The following PACRG variants were observed in gnomAD, a reference collection of about 807,000 sequenced individuals.
PACRG encodes the protein parkin coregulated gene protein.
In PACRG, 29 loss-of-function variants were observed where a neutral mutation model predicts 29.7. That is an observed-to-expected ratio of 0.98 (90% CI 0.73 to 1.33). PACRG has a LOEUF of 1.33. PACRG is among the 40% of genes most tolerant of loss of function. The pLI, the probability that PACRG is intolerant of heterozygous loss-of-function variation, is 0.00. For synonymous variants in PACRG, 116 were observed against 118.7 expected (o/e 0.98, Z 0.15); for missense variants, 279 against 316.2 (o/e 0.88, Z 0.89).
chr6:162,835,665 C>A (rs911260406), intron 2 of PACRG, among the ~76,000 whole-genome samples: 2 of 151,990 alleles, frequency 1.3e-5, no homozygotes, highest in African/African-American at 4.8e-5. Context: ...CAGAGAAAAT[C>A]TGTGGTTTTT....
intron 4 of PACRG, among the ~76,000 whole-genome samples, chr6:163,204,191 G>A (rs1480563053): frequency 6.6e-6 from 1 of 152,188 alleles, no homozygotes; most frequent in Admixed American, 6.5e-5. Flanking sequence ...AGTGTTTGCA[G>A]ATCTTTATAA....
At chr6:162,912,001 C>G (rs971938589) in intron 2 of PACRG, among the ~76,000 whole-genome samples, 1 of 152,220 alleles carries the variant, frequency 6.6e-6, no homozygotes, top group Non-Finnish European at 1.5e-5. Context: ...GCCAAAGTCC[C>G]TCACTGGCCA....
At chr6:162,743,435 CATATCATACAT>C (rs1780750154) in intron 1 of PACRG, among the ~76,000 whole-genome samples, 1 of 152,044 alleles carries the variant, frequency 6.6e-6, no homozygotes, top group Admixed American at 6.5e-5. Context: ...GAATTGGAGT[CATATCATACAT>C]ATATCATACT....
At chr6:163,072,366 C>T (rs191394656) in intron 3 of PACRG, among the ~76,000 whole-genome samples, 4 of 152,134 alleles carry the variant, frequency 2.6e-5, no homozygotes, top group South Asian at 2.1e-4. Context: ...GCCTATGATC[C>T]TTTCAATTTG....
intron 2 of PACRG, among the ~76,000 whole-genome samples, chr6:162,838,561 C>A (rs983529538): frequency 1.3e-5 from 2 of 152,076 alleles, no homozygotes; most frequent in African/African-American, 4.8e-5. Flanking sequence ...GTCTTTCCCA[C>A]ACTAGTTATT....
intron 2 of PACRG, among the ~76,000 whole-genome samples, chr6:162,943,785 C>G (rs1380415731): frequency 6.6e-6 from 1 of 152,216 alleles, no homozygotes; most frequent in Non-Finnish European, 1.5e-5. Flanking sequence ...GCCACTACCA[C>G]CACAGCTGGC....
chr6:162,953,182 A>G (rs1310371517), intron 2 of PACRG, among the ~76,000 whole-genome samples: 3 of 152,184 alleles, frequency 2.0e-5, no homozygotes, highest in Non-Finnish European at 4.4e-5. Flanking sequence ...CCTATATTTA[A>G]TCAATCATAT....
intron 4 of PACRG, among the ~76,000 whole-genome samples, chr6:163,255,844 C>T (rs187561998): frequency 1.1e-4 from 17 of 152,220 alleles, no homozygotes; most frequent in African/African-American, 4.1e-4. Context: ...CCATGTTGTC[C>T]AGGTTGGTCT....
chr6:162,901,022 A>G (rs1238925497), intron 2 of PACRG, among the ~76,000 whole-genome samples: 1 of 152,236 alleles, frequency 6.6e-6, no homozygotes, highest in Non-Finnish European at 1.5e-5. Context: ...GGTGAGTATT[A>G]TAGTCTCATT....
chr6:162,994,316 G>A (rs1803748811), intron 2 of PACRG, among the ~76,000 whole-genome samples: 1 of 150,580 alleles, frequency 6.6e-6, no homozygotes, highest in African/African-American at 2.5e-5. Context: ...AAGTTCTCCT[G>A]GATAATATCC....
At chr6:163,018,403 C>G (rs1186804732) in intron 2 of PACRG, among the ~76,000 whole-genome samples, 1 of 152,142 alleles carries the variant, frequency 6.6e-6, no homozygotes, top group Non-Finnish European at 1.5e-5. Flanking sequence ...GAATCTTTTC[C>G]TCTAGTAGAA....
rs145916436 is a variant in PACRG at position 163,038,220 on chromosome 6, G to C, written c.292-23930G>C. Among the ~76,000 whole-genome samples, 637 of 152,256 alleles carry C rather than the reference G, an allele frequency of 4.2e-3. 7 individuals carry two copies. The highest frequency in any genetic ancestry group is 7.5e-3 in the Non-Finnish European group (513 of 68,026). On this transcript the variant is annotated intron_variant, in intron 2 of 4. Coordinates refer to ENST00000366888, the MANE Select transcript of PACRG (RefSeq NM_001080379.2). The stretch of plus-strand genomic sequence containing the variant: ...ACCTTAACCACTATTATGTGGAAAG[G>C]ATGCAGTATGATTTCATAAAGAATA...
chr6:162,850,783 G>A (rs1790790569), intron 2 of PACRG, among the ~76,000 whole-genome samples: 1 of 152,196 alleles, frequency 6.6e-6, no homozygotes, highest in Admixed American at 6.5e-5. Context: ...AGTGCTGTGA[G>A]CTACTCTAGC....
At chr6:163,068,978 C>CT (rs1486099406) in intron 3 of PACRG, among the ~76,000 whole-genome samples, 3 of 151,948 alleles carry the variant, frequency 2.0e-5, no homozygotes, top group African/African-American at 7.3e-5. Context: ...CCATTTCAGA[C>CT]TTTCTTTATC....
At chr6:162,924,855 A>C (rs1177700057) in intron 2 of PACRG, among the ~76,000 whole-genome samples, 11 of 152,098 alleles carry the variant, frequency 7.2e-5, no homozygotes, top group Admixed American at 7.2e-4. Context: ...AAAGTCCTTC[A>C]AAAAAATCAA....
chr6:162,946,356 A>T (rs1006543547), intron 2 of PACRG, among the ~76,000 whole-genome samples: 2 of 152,152 alleles, frequency 1.3e-5, no homozygotes, highest in Non-Finnish European at 2.9e-5. Context: ...AGAAACTATT[A>T]TGAACAATTA....
chr6:163,063,448 C>G (rs548898097), intron 3 of PACRG, among the ~76,000 whole-genome samples: 1 of 152,324 alleles, frequency 6.6e-6, no homozygotes, highest in South Asian at 2.1e-4. Context: ...CAGGTGAGCT[C>G]TTGCCGTGTG....
intron 2 of PACRG, among the ~76,000 whole-genome samples, chr6:162,916,442 G>A (rs1796700429): frequency 6.6e-6 from 1 of 152,120 alleles, no homozygotes; most frequent in Non-Finnish European, 1.5e-5. Flanking sequence ...GAAAGTTTTT[G>A]TCCCTTATTT....
chr6:163,144,747 C>T (rs141184804), intron 4 of PACRG, among the ~76,000 whole-genome samples: 23,848 of 151,848 alleles, frequency 0.16, 2,120 homozygotes, highest in African/African-American at 0.25. Flanking sequence ...CCAGCCTGGG[C>T]GACAGAGCGA....
Sources: gnomAD v4.1 joint callset for allele counts (sites outside exome capture counted in the v4.1 genomes callset) on GRCh38, gnomAD v4.1.1 for gene constraint, MANE v1.5 for transcripts, NCBI Gene and HGNC (gene_info 2026-07-23, HGNC 2026-07-21) for gene names.